The following HECTD2 variants were observed in gnomAD, a reference collection of about 807,000 sequenced individuals.
HECTD2 encodes the protein probable E3 ubiquitin-protein ligase HECTD2.
HECTD2 carries 35 observed loss-of-function variants against 103.2 expected under a neutral mutation model. The observed-to-expected ratio is 0.34, with a 90% confidence interval of 0.26 to 0.45. The LOEUF is 0.45. Among genes scored for constraint, HECTD2 ranks in the 20% least tolerant of loss-of-function variants. HECTD2 has a pLI of 1.00. For synonymous variants in HECTD2, 281 were observed against 329.9 expected, an observed-to-expected ratio of 0.85 and a Z score of 1.61; for missense variants, 596 against 937.4, an observed-to-expected ratio of 0.64 and a Z score of 4.76.
At chr10:91,421,596 G>A (rs1200034635) in intron 1 of HECTD2, among the ~76,000 whole-genome samples, 3 of 152,198 alleles carry the variant, frequency 2.0e-5, no homozygotes, top group Non-Finnish European at 2.9e-5. Flanking sequence ...ATGCACCCTG[G>A]GGGCTGTGGG....
intron 13 of HECTD2, among the ~76,000 whole-genome samples, 169 bp downstream of exon 13, chr10:91,492,653 G>A (rs1382888678): frequency 2.0e-5 from 3 of 152,062 alleles, no homozygotes; most frequent in East Asian, 1.9e-4. Flanking sequence ...TTGTTTGACC[G>A]AATTGTTGAT....
At chr10:91,411,322 G>A (rs1226597850) in intron 1 of HECTD2, among the ~76,000 whole-genome samples, 1 of 152,000 alleles carries the variant, frequency 6.6e-6, no homozygotes, top group African/African-American at 2.4e-5. Flanking sequence ...TATTTTTACT[G>A]GTGGTTGTGA....
chr10:91,509,470 G>A (rs1030890060), intron 20 of HECTD2, among the ~76,000 whole-genome samples: 19 of 152,074 alleles, frequency 1.2e-4, no homozygotes, highest in African/African-American at 4.6e-4. Flanking sequence ...GTACCCAAAG[G>A]AATATAAATT....
chr10:91,504,601 A>G (rs1487931603), intron 20 of HECTD2, among the ~76,000 whole-genome samples: 1 of 151,858 alleles, frequency 6.6e-6, no homozygotes, highest in African/African-American at 2.4e-5. Context: ...GAAACGAGCA[A>G]AGCCTCCAAG....
Position 91,513,207 on chromosome 10 carries a change from TAGAAA to T in HECTD2, c.*829_*833del, listed in dbSNP as rs1317115996. 2 of 152,642 alleles carry T rather than the reference TAGAAA, an allele frequency of 1.3e-5. No homozygotes were observed. Among genetic ancestry groups the T allele is most frequent in the Non-Finnish European group, 2.9e-5 (2 of 68,030 alleles). 9.5% of individuals were successfully genotyped at this position (152,642 alleles called of 1,614,324 possible). ...CATTTCTTCTTAAGGCTCAAGATAT[TAGAAA>T]AGAAATCAGACCTAAATAATCATTG... On this transcript the variant is annotated 3_prime_UTR_variant, in exon 21 of 21. Coordinates refer to ENST00000298068, the MANE Select transcript of HECTD2 (RefSeq NM_182765.6).
chr10:91,418,206 CTTAAT>C (rs368133711), intron 1 of HECTD2, among the ~76,000 whole-genome samples: 1 of 152,076 alleles, frequency 6.6e-6, no homozygotes, highest in East Asian at 1.9e-4. Flanking sequence ...GAACAAGACT[CTTAAT>C]TGATTGAGAA....
intron 2 of HECTD2, among the ~76,000 whole-genome samples, chr10:91,455,108 T>C (rs1207818998): frequency 2.0e-5 from 3 of 152,178 alleles, no homozygotes; most frequent in Non-Finnish European, 4.4e-5. Context: ...CTGGGTCAAA[T>C]GGTATTTCTA....
rs112156820 is a variant in HECTD2, at chr10:91,513,665, C to T, written c.*1281C>T. On this transcript the variant is annotated 3_prime_UTR_variant, in exon 21 of 21. Transcript: ENST00000298068. ...TTCTCTACCATACTTTAACAGCTTTCCTTCAGAAAACTCTGAAGTTATATT... is the reference window on the plus strand; with the variant it reads ...TTCTCTACCATACTTTAACAGCTTTTCTTCAGAAAACTCTGAAGTTATATT... 426 of 152,636 alleles carry T rather than the reference C, an allele frequency of 2.8e-3. 1 individual carries two copies. The highest frequency in any genetic ancestry group is 4.0e-3 in the Non-Finnish European group (272 of 68,006). 9.5% of individuals were successfully genotyped at this position (152,636 alleles called of 1,614,324 possible).
intron 9 of HECTD2, 114 bp downstream of exon 9, chr10:91,484,769 G>A: frequency 1.3e-6 from 1 of 748,250 alleles, no homozygotes; most frequent in Non-Finnish European, 2.1e-6. Flanking sequence ...CCATTTCTGT[G>A]AAGGAAAGAG....
rs755619233 is a variant in HECTD2, at chr10:91,513,524, A to G, written c.*1140A>G. The G allele has an allele frequency of 6.6e-6, 1 of 152,600 alleles. No individual in the cohort carries two copies. The highest frequency in any genetic ancestry group is 2.4e-5 in the African/African-American group (1 of 41,452). The allele number at this position is 152,600 out of a possible 1,614,324, so 9.5% of individuals were successfully genotyped here. The stretch of plus-strand genomic sequence containing the variant: ...AAAGTACCCTTTTTTTAGAGTTTCT[A>G]ATAAAGTAGTATGTAAAAAGAAACT... On this transcript the variant is annotated 3_prime_UTR_variant, in exon 21 of 21. Coordinates refer to ENST00000298068, the MANE Select transcript of HECTD2 (RefSeq NM_182765.6).
Position 91,484,567 on chromosome 10 carries a change from C to T in HECTD2, c.882C>T (p.Arg294=). ...VERLLQFISL[R]LFPAKPEEFP... ...GATTGCTGCAATTTATTTCTTTACG[C>T]CTGTTTCCTGCAAAGCCTGAAGAAT... Residue 294 remains arginine, a synonymous_variant, in exon 9 of 21, where the codon CGC becomes CGT. Coordinates refer to ENST00000298068, the MANE Select transcript of HECTD2 (RefSeq NM_182765.6). 1 of 1,612,082 alleles carries T rather than the reference C, an allele frequency of 6.2e-7. No individual in the cohort carries two copies. The highest frequency in any genetic ancestry group is 8.5e-7 in the Non-Finnish European group (1 of 1,178,584).
chr10:91,418,146 G>A (rs1230734344), intron 1 of HECTD2, among the ~76,000 whole-genome samples: 1 of 152,062 alleles, frequency 6.6e-6, no homozygotes, highest in Non-Finnish European at 1.5e-5. Flanking sequence ...TCTGCTTAAT[G>A]TATTTCAAAT....
chr10:91,429,376 G>A (rs1843731783), intron 2 of HECTD2, among the ~76,000 whole-genome samples: 3 of 152,184 alleles, frequency 2.0e-5, no homozygotes, highest in South Asian at 4.2e-4. Context: ...TTGGTATCAG[G>A]ATGATGCTGG....
Position 91,487,835 on chromosome 10 carries a change from TAATA to T in HECTD2, c.1191+63_1191+66del. The T allele has an allele frequency of 3.1e-6, 3 of 965,722 alleles. No individual in the cohort carries two copies. Among genetic ancestry groups the T allele is most frequent in the Middle Eastern group, 2.6e-4 (1 of 3,916 alleles). 59.8% of individuals were successfully genotyped at this position (965,722 alleles called of 1,614,324 possible). On this transcript the variant is annotated intron_variant, in intron 11 of 20. Coordinates refer to ENST00000298068, the MANE Select transcript of HECTD2 (RefSeq NM_182765.6). This position sits in a 1 kb window ranked among gnomAD's most constrained non-coding sequence, Gnocchi z 4.1. ...ACTATAATCAGTATAGTAAATAATTTAATAAATAATTTAAATGTCTTGTGAATTG... is the reference window on the plus strand; with the variant it reads ...ACTATAATCAGTATAGTAAATAATTTAATAATTTAAATGTCTTGTGAATTG...
intron 15 of HECTD2, 86 bp from the exon 16 acceptor site, chr10:91,498,022 A>T: frequency 1.2e-6 from 1 of 817,426 alleles, no homozygotes; most frequent in East Asian, 2.5e-5. Context: ...CTTTATATAC[A>T]TATGCATGAG....
At chr10:91,418,508 A>G (rs1843222039) in intron 1 of HECTD2, among the ~76,000 whole-genome samples, 1 of 152,100 alleles carries the variant, frequency 6.6e-6, no homozygotes, top group African/African-American at 2.4e-5. Context: ...TAAAGATATG[A>G]TTTATATAAC....
At chr10:91,468,482 A>C (rs554736697) in intron 5 of HECTD2, among the ~76,000 whole-genome samples, 58 of 152,340 alleles carry the variant, frequency 3.8e-4, no homozygotes, top group African/African-American at 1.3e-3. Context: ...AACCAGAACA[A>C]GAACTCCGGC....
At chr10:91,438,631 T>C (rs1844244186) in intron 2 of HECTD2, among the ~76,000 whole-genome samples, 1 of 152,200 alleles carries the variant, frequency 6.6e-6, no homozygotes, top group South Asian at 2.1e-4. Flanking sequence ...TTTCTGGTTG[T>C]AGATCCTTGA....
intron 2 of HECTD2, among the ~76,000 whole-genome samples, chr10:91,444,986 A>T (rs1422596907): frequency 6.6e-6 from 1 of 152,182 alleles, no homozygotes; most frequent in East Asian, 1.9e-4. Context: ...TAAGTAAAAC[A>T]CTAGAAGCCA....
Sources: gnomAD v4.1 joint callset for allele counts (sites outside exome capture counted in the v4.1 genomes callset) on GRCh38, gnomAD v4.1.1 for gene constraint, Gnocchi (gnomAD v3.1) non-coding constraint, MANE v1.5 for transcripts, NCBI Gene and HGNC (gene_info 2026-07-23, HGNC 2026-07-21) for gene names.